SYNE2: variants seen among roughly 807,000 people sequenced by gnomAD.
SYNE2 encodes the protein spectrin repeat containing nuclear envelope protein 2, also known as nesprin-2.
Under a neutral mutation model 856.3 loss-of-function variants are expected in SYNE2, and 431 were observed. The observed-to-expected ratio is 0.50, with a 90% CI of 0.47 to 0.55. The LOEUF is 0.55. SYNE2 is among the 20% of genes least tolerant of loss of function. The pLI is 0.00. For synonymous variants in SYNE2, 2,923 were observed against 2,872.3 expected, an observed-to-expected ratio of 1.02 and a Z score of -0.56; for missense variants, 8,129 against 8,023.2, an observed-to-expected ratio of 1.01 and a Z score of -0.50.
At chr14:63,802,019 T>A (rs1341367548) in intron 1 of SYNE2, among the ~76,000 whole-genome samples, 1 of 151,528 alleles carries the variant, frequency 6.6e-6, no homozygotes, top group Admixed American at 6.6e-5. Context: ...TTTTAATTCA[T>A]CTAAATATAA....
intron 1 of SYNE2, among the ~76,000 whole-genome samples, chr14:63,861,266 T>G (rs1304747990): frequency 6.6e-6 from 1 of 150,452 alleles, no homozygotes; most frequent in Non-Finnish European, 1.5e-5. Flanking sequence ...TACCTCAGAC[T>G]CCTGAGTAGC....
intron 16 of SYNE2, among the ~76,000 whole-genome samples, chr14:63,981,743 A>T (rs746171091): frequency 1.3e-4 from 20 of 152,112 alleles, no homozygotes; most frequent in Non-Finnish European, 2.6e-4. Flanking sequence ...TCTTTCTTTC[A>T]TTTGTTTTTC....
intron 67 of SYNE2, among the ~76,000 whole-genome samples, chr14:64,120,156 C>T (rs563399032): frequency 6.6e-6 from 1 of 152,144 alleles, no homozygotes; most frequent in East Asian, 1.9e-4. Context: ...TTTGCATGTG[C>T]TTATGAGTGG....
At chr14:63,918,297 CT>C (rs1477756630) in intron 2 of SYNE2, among the ~76,000 whole-genome samples, 10 of 152,110 alleles carry the variant, frequency 6.6e-5, no homozygotes, top group African/African-American at 2.4e-4. Context: ...CTAAATGTGC[CT>C]GTTCAAAACA....
chr14:64,172,251 A>T lies in SYNE2; in HGVS notation c.17235+1789A>T, dbSNP rs1224931143. 2.6e-5 allele frequency among the ~76,000 whole-genome samples: 4 copies of T among 152,096 alleles called. No homozygotes were observed. In the East Asian group the frequency reaches 7.8e-4, roughly 29 times the overall value. On this transcript the variant is annotated intron_variant, in intron 94 of 115. Transcript: ENST00000555002. ...CACTTACCTATCGCTGCATAATGAC[A>T]CTCATCATTCTGTCTCGTCATTCTT...
At chr14:64,179,846 T>C (rs1017952374) in intron 96 of SYNE2, among the ~76,000 whole-genome samples, 1 of 152,228 alleles carries the variant, frequency 6.6e-6, no homozygotes, top group African/African-American at 2.4e-5. Context: ...TTCTGCGTTT[T>C]CCTTGGTATT....
intron 1 of SYNE2, among the ~76,000 whole-genome samples, chr14:63,788,358 G>A (rs1040986647): frequency 6.6e-6 from 1 of 152,124 alleles, no homozygotes; most frequent in Admixed American, 6.5e-5. Flanking sequence ...CAACTCAGAA[G>A]GGGCAGAGCT....
At chr14:64,012,166 A>C (rs138648959) in intron 32 of SYNE2, among the ~76,000 whole-genome samples, 65 of 152,202 alleles carry the variant, frequency 4.3e-4, no homozygotes, top group Admixed American at 6.5e-4. Flanking sequence ...TTGAGTTTCT[A>C]TGGCACAAAT....
intron 1 of SYNE2, among the ~76,000 whole-genome samples, chr14:63,890,829 G>T (rs980323200): frequency 6.6e-6 from 1 of 152,186 alleles, no homozygotes; most frequent in Non-Finnish European, 1.5e-5. Flanking sequence ...TTTTATGCCT[G>T]TTATGACAAG....
At position 64,223,232 on chromosome 14, in the gene SYNE2, T is replaced by C. The variant is rs1168221314; in HGVS notation, c.20234T>C (p.Met6745Thr). 9 of 1,613,996 alleles carry C rather than the reference T, an allele frequency of 5.6e-6. No individual in the cohort carries two copies. The highest frequency in any genetic ancestry group is 7.6e-6 in the Non-Finnish European group (9 of 1,180,002). ...ELVERQPQVD[M>T]LQEISNSLLI... is the part of the protein sequence containing the mutation. ...GTAGAACGTCAACCTCAAGTGGACA[T>C]GTTACAGGAGATTTCAAACAGCCTT... is the stretch of plus-strand genomic sequence containing the variant. Residue 6745 changes from methionine to threonine, a missense_variant, in exon 113 of 116, where the codon ATG becomes ACG. By Grantham distance (81) the Met-to-Thr change is moderately conservative. Coordinates refer to ENST00000555002, the MANE Select transcript of SYNE2 (RefSeq NM_182914.3).
intron 2 of SYNE2, among the ~76,000 whole-genome samples, chr14:63,938,928 A>G (rs994487412): frequency 2.1e-5 from 3 of 145,964 alleles, no homozygotes; most frequent in Non-Finnish European, 4.5e-5. Context: ...TCTAGAGTGC[A>G]TGTGCGTGTG....
intron 1 of SYNE2, among the ~76,000 whole-genome samples, chr14:63,878,247 C>T (rs956362875): frequency 3.3e-5 from 5 of 152,094 alleles, no homozygotes; most frequent in African/African-American, 1.2e-4. Flanking sequence ...CCTGTGGCAA[C>T]GTGATCGTGA....
intron 96 of SYNE2, among the ~76,000 whole-genome samples, chr14:64,184,786 A>G (rs2098480339): frequency 1.3e-5 from 2 of 152,266 alleles, no homozygotes; most frequent in African/African-American, 4.8e-5. Context: ...ATCTTCTGAG[A>G]AAGGTGTTAA....
At chr14:64,201,532 T>G (rs2098565778) in intron 99 of SYNE2, among the ~76,000 whole-genome samples, 1 of 152,092 alleles carries the variant, frequency 6.6e-6, no homozygotes, top group African/African-American at 2.4e-5. Context: ...CCTGAATGCT[T>G]GAGGTACAGA....
intron 42 of SYNE2, 147 bp downstream of exon 42, chr14:64,026,877 C>A: frequency 3.3e-6 from 3 of 907,362 alleles, no homozygotes; most frequent in South Asian, 2.8e-5. Flanking sequence ...TGTCAAGAGA[C>A]AGAAACCAAA....
intron 61 of SYNE2, among the ~76,000 whole-genome samples, chr14:64,096,891 T>A (rs1410321457): frequency 1.3e-5 from 2 of 152,140 alleles, no homozygotes; most frequent in African/African-American, 4.8e-5. Context: ...AAGGAAGACA[T>A]AACAAGGAAA....
At chr14:64,105,163 G>A (rs1285298187) in intron 64 of SYNE2, among the ~76,000 whole-genome samples, 1 of 152,142 alleles carries the variant, frequency 6.6e-6, no homozygotes, top group Non-Finnish European at 1.5e-5. Flanking sequence ...GACTTTTGGA[G>A]TAGCCCTCTA....
At chr14:64,119,336 T>G in intron 66 of SYNE2, 91 bp from the exon 67 acceptor site, 1 of 1,521,092 alleles carries the variant, frequency 6.6e-7, no homozygotes, top group Non-Finnish European at 9.1e-7. Flanking sequence ...TTGTATACAC[T>G]TAAGTAAAAA....
At chr14:63,768,020 C>G (rs1886751381) in intron 1 of SYNE2, among the ~76,000 whole-genome samples, 1 of 151,884 alleles carries the variant, frequency 6.6e-6, no homozygotes, top group Non-Finnish European at 1.5e-5. Context: ...ATGGTGAAAC[C>G]CCGTCTTAAC....
Sources: allele counts gnomAD v4.1 joint callset (sites outside exome capture counted in the v4.1 genomes callset), GRCh38; gene constraint gnomAD v4.1.1; transcripts MANE v1.5; gene names NCBI Gene and HGNC (gene_info 2026-07-23, HGNC 2026-07-21).